STRN3: variants seen among roughly 807,000 people sequenced by gnomAD.
The protein encoded by STRN3 is striatin-3.
A neutral mutation model predicts 95.6 loss-of-function variants in STRN3; 29 were observed. The ratio of observed to expected loss-of-function variants is 0.30; its 90% confidence interval spans 0.23 to 0.41. The LOEUF is 0.41. Among genes scored for constraint, STRN3 ranks in the 10% least tolerant of loss-of-function variants. The pLI, the probability that STRN3 is intolerant of heterozygous loss-of-function variation, is 1.00. For synonymous variants in STRN3, 331 were observed against 357.6 expected, an observed-to-expected ratio of 0.93 and a Z score of 0.84; for missense variants, 890 against 972.1, an observed-to-expected ratio of 0.92 and a Z score of 1.12.
At chr14:31,017,228 A>G (rs901326196) in intron 1 of STRN3, among the ~76,000 whole-genome samples, 2 of 152,120 alleles carry the variant, frequency 1.3e-5, no homozygotes, top group African/African-American at 2.4e-5. Context: ...GGCCGGGCGC[A>G]GTGGCTCACG....
At chr14:30,968,317 G>A (rs571615048) in intron 1 of STRN3, among the ~76,000 whole-genome samples, 35 of 151,392 alleles carry the variant, frequency 2.3e-4, no homozygotes, top group African/African-American at 6.8e-4. Context: ...AGAAATTGGG[G>A]GGACAGAATT....
chr14:30,932,592 C>T (rs1452631736), intron 7 of STRN3, among the ~76,000 whole-genome samples: 1 of 152,156 alleles, frequency 6.6e-6, no homozygotes, highest in African/African-American at 2.4e-5. Context: ...TTTTCGATTA[C>T]TTCCACTTAC....
intron 5 of STRN3, 31 bp downstream of exon 5, chr14:30,947,059 T>C: frequency 6.8e-7 from 1 of 1,468,964 alleles, no homozygotes; most frequent in Non-Finnish European, 9.1e-7. Context: ...ATAATATCCA[T>C]TATATAAACT....
chr14:30,919,667 T>G (rs986122676), intron 8 of STRN3, among the ~76,000 whole-genome samples: 42 of 152,268 alleles, frequency 2.8e-4, no homozygotes, highest in Admixed American at 2.7e-3. Flanking sequence ...CAACCCCAAT[T>G]TCTTTCAAAA....
intron 2 of STRN3, 66 bp downstream of exon 2, chr14:30,956,073 T>C: frequency 7.3e-7 from 1 of 1,364,042 alleles, no homozygotes; most frequent in Admixed American, 1.8e-5. Context: ...AAATACAGAG[T>C]ACAATGGTAT....
At chr14:30,899,549 C>T (rs1048806816) in intron 16 of STRN3, among the ~76,000 whole-genome samples, 3 of 152,136 alleles carry the variant, frequency 2.0e-5, no homozygotes, top group Non-Finnish European at 4.4e-5. Flanking sequence ...TCAATAGATT[C>T]TATTTTCCTT....
At chr14:30,991,998 T>C (rs1012873957) in intron 1 of STRN3, among the ~76,000 whole-genome samples, 5 of 151,722 alleles carry the variant, frequency 3.3e-5, no homozygotes, top group Non-Finnish European at 5.9e-5. Flanking sequence ...TATCAGTCCA[T>C]ACGACTATTA....
chr14:30,911,288 A>C (rs1268138425), intron 12 of STRN3, 126 bp from the exon 13 acceptor site: 34 of 818,770 alleles, frequency 4.2e-5, no homozygotes, highest in Non-Finnish European at 4.9e-5. Context: ...TGTACACCTG[A>C]CTGGTACTTT....
At chr14:30,933,345 T>C (rs1298489534) in intron 7 of STRN3, among the ~76,000 whole-genome samples, 4 of 145,308 alleles carry the variant, frequency 2.8e-5, no homozygotes, top group Non-Finnish European at 4.5e-5. Context: ...AAGTGTGCAT[T>C]ACAAATCAAC....
intron 1 of STRN3, among the ~76,000 whole-genome samples, chr14:31,005,680 G>C (rs1409900191): frequency 6.6e-6 from 1 of 152,192 alleles, no homozygotes; most frequent in Admixed American, 6.5e-5. Context: ...AATTCAGCAG[G>C]TATAGAATAT....
At chr14:30,987,493 C>T (rs1207586100) in intron 1 of STRN3, among the ~76,000 whole-genome samples, 2 of 151,114 alleles carry the variant, frequency 1.3e-5, no homozygotes, top group East Asian at 2.0e-4. Flanking sequence ...GGTGACAGAG[C>T]GAGACTCCAT....
rs536787813 is a variant in STRN3 at position 30,962,714 on chromosome 14, T to C, written c.283-6472A>G. ...TATGACTGGCTAAGTTTTCTATTTT[T>C]TTAAGATGGGATTTCACCATGTTGC... On this transcript the variant is annotated intron_variant, in intron 1 of 17. Coordinates refer to ENST00000357479, the MANE Select transcript of STRN3 (RefSeq NM_001083893.2). Among the ~76,000 whole-genome samples the C allele has an allele frequency of 2.6e-5, 4 of 152,202 alleles. No homozygotes were observed. The South Asian group carries it at 8.3e-4, about 32-fold the overall frequency.
chr14:30,981,053 A>G (rs567674839), intron 1 of STRN3, among the ~76,000 whole-genome samples: 84 of 152,262 alleles, frequency 5.5e-4, no homozygotes, highest in African/African-American at 1.1e-3. Flanking sequence ...CATGCCTGTA[A>G]TCCCAACACT....
In STRN3 at chr14:30,987,195, C is replaced by T. The variant is rs527828674; in HGVS notation, c.283-30953G>A. ...AAGAGTAACGTAGAGGCATGGCAGC[C>T]GGAAAAAGAAAATATAAAATACAAT... On this transcript the variant is annotated intron_variant, in intron 1 of 17. Coordinates refer to ENST00000357479, the MANE Select transcript of STRN3 (RefSeq NM_001083893.2). 1.3e-4 allele frequency among the ~76,000 whole-genome samples: 20 copies of T among 152,016 alleles called. No homozygotes were observed. In the East Asian group the frequency reaches 1.5e-3, roughly 12 times the overall value.
intron 8 of STRN3, among the ~76,000 whole-genome samples, chr14:30,928,263 C>T (rs1268582617): frequency 2.0e-5 from 3 of 152,180 alleles, no homozygotes; most frequent in Non-Finnish European, 4.4e-5. Flanking sequence ...GAAAGAAACT[C>T]GCACACGTTT....
intron 1 of STRN3, among the ~76,000 whole-genome samples, chr14:30,994,826 C>T (rs994855077): frequency 1.3e-5 from 2 of 152,120 alleles, no homozygotes; most frequent in Non-Finnish European, 2.9e-5. Flanking sequence ...GACATTAATG[C>T]CACATATTAC....
chr14:30,989,811 C>G (rs886757333), intron 1 of STRN3, among the ~76,000 whole-genome samples: 2 of 152,028 alleles, frequency 1.3e-5, no homozygotes, highest in African/African-American at 4.8e-5. Flanking sequence ...TAATTCCAAC[C>G]CTAACACATA....
In STRN3 at chr14:30,947,141, T is replaced by C. The variant is rs1190446489; in HGVS notation, c.665A>G (p.Gln222Arg). 1 of 1,610,500 alleles carries C rather than the reference T, an allele frequency of 6.2e-7. No homozygotes were observed. The highest frequency in any genetic ancestry group is 1.1e-5 in the South Asian group (1 of 90,010). ...NGSVETKNLE[Q>R]ILNGGESPKQ... ...AGGAGATTCACCTCCATTCAGGATC[T>C]GTTCTAAATTCTTTGTTTCTACTGA... The change falls in exon 5 of 18, where the codon CAG (glutamine) becomes CGG (arginine). Residue 222 changes from glutamine (Q) to arginine (R), a missense_variant. Gln to Arg is a conservative substitution (Grantham distance 43). Transcript: ENST00000357479.
rs138208034 is a variant in STRN3 at position 30,902,573 on chromosome 14, A to G, written c.2100T>C (p.His700=). The change falls in exon 16 of 18, where the codon CAT becomes CAC. Residue 700 remains histidine (H), a synonymous_variant. Coordinates refer to ENST00000357479, the MANE Select transcript of STRN3 (RefSeq NM_001083893.2). ...CAAAAAATTTGATGTGTCTATCTTC[A>G]TGAGCAGTTATTGTAACAGGAAGTG... ...HPTLPVTITA[H]EDRHIKFFDN... 5.1e-5 allele frequency: 82 copies of G among 1,608,726 alleles called. No individual in the cohort carries two copies. Among genetic ancestry groups the G allele is most frequent in the Middle Eastern group, 3.3e-4 (2 of 6,056 alleles).
Sources: gnomAD v4.1 joint callset for allele counts (sites outside exome capture counted in the v4.1 genomes callset) on GRCh38, gnomAD v4.1.1 for gene constraint, MANE v1.5 for transcripts, NCBI Gene and HGNC (gene_info 2026-07-23, HGNC 2026-07-21) for gene names.